Variants in SIPA1L3 observed in about 807,000 individuals in gnomAD.
SIPA1L3 encodes signal induced proliferation associated 1 like 3.
In SIPA1L3, 59 loss-of-function variants were observed where a neutral mutation model predicts 150.1. The ratio of observed to expected loss-of-function variants is 0.39; its 90% confidence interval spans 0.32 to 0.49. The LOEUF (loss-of-function observed/expected upper bound fraction) is 0.49, where lower values mean the gene tolerates loss of function less well. Among genes scored for constraint, SIPA1L3 ranks in the 20% least tolerant of loss-of-function variants. SIPA1L3 has a pLI of 0.86. For missense variants in SIPA1L3, 2,211 were observed against 2,489.5 expected (o/e 0.89, Z 2.38); for synonymous variants, 1,070 against 1,077.6 (o/e 0.99, Z 0.14).
At chr19:38,075,489 G>A (rs962997257) in intron 2 of SIPA1L3, among the ~76,000 whole-genome samples, 1 of 150,110 alleles carries the variant, frequency 6.7e-6, no homozygotes, top group African/African-American at 2.5e-5. Flanking sequence ...TATTTGAAAA[G>A]AACTTGCAGG....
At chr19:38,008,498 G>C (rs928147480) in intron 1 of SIPA1L3, among the ~76,000 whole-genome samples, 1 of 151,596 alleles carries the variant, frequency 6.6e-6, no homozygotes, top group Non-Finnish European at 1.5e-5. Context: ...CAAAGTGCTG[G>C]GATTGCAGAC....
In SIPA1L3 at chr19:38,124,686, C is replaced by T. The variant is rs557085803; in HGVS notation, c.2868+4804C>T. Among the ~76,000 whole-genome samples, 135 of 152,314 alleles carry T rather than the reference C, an allele frequency of 8.9e-4. No individual in the cohort carries two copies. The South Asian group carries it at 0.01, about 12-fold the overall frequency. On this transcript the variant is annotated intron_variant, in intron 9 of 21. Coordinates refer to ENST00000222345, the MANE Select transcript of SIPA1L3 (RefSeq NM_015073.3). ...TGGAGGTTGTAGCAAGCCGAGATCA[C>T]GCCACTGCACTCCAGCCTGGGCACC...
At chr19:38,193,950 C>A (rs1972864092) in intron 18 of SIPA1L3, among the ~76,000 whole-genome samples, 170 bp downstream of exon 18, 1 of 152,120 alleles carries the variant, frequency 6.6e-6, no homozygotes, top group South Asian at 2.1e-4. Flanking sequence ...TGGTGGGGCA[C>A]TGGGTGTCAC....
At chr19:38,126,406 G>T (rs928631427) in intron 9 of SIPA1L3, among the ~76,000 whole-genome samples, 10 of 152,048 alleles carry the variant, frequency 6.6e-5, no homozygotes, top group African/African-American at 2.4e-4. Flanking sequence ...CAGCCCAAGA[G>T]GGCTTTGAAT....
intron 2 of SIPA1L3, among the ~76,000 whole-genome samples, chr19:38,039,731 C>G (rs895407242): frequency 2.7e-5 from 1 of 37,200 alleles, no homozygotes; most frequent in East Asian, 1.2e-3. Flanking sequence ...GGAGGCCCAC[C>G]TGAAACATTC....
At chr19:38,042,297 C>G (rs947272449) in intron 2 of SIPA1L3, among the ~76,000 whole-genome samples, 2 of 152,084 alleles carry the variant, frequency 1.3e-5, no homozygotes, top group Admixed American at 6.6e-5. Context: ...GGATTTATTT[C>G]TGGGCTATTT....
At chr19:38,050,668 G>C (rs1190509260) in intron 2 of SIPA1L3, among the ~76,000 whole-genome samples, 1 of 152,200 alleles carries the variant, frequency 6.6e-6, no homozygotes, top group African/African-American at 2.4e-5. Flanking sequence ...TATAGTCAAA[G>C]TTGTCCGAAG....
chr19:38,037,449 G>T (rs367822231), intron 2 of SIPA1L3, among the ~76,000 whole-genome samples: 11 of 152,222 alleles, frequency 7.2e-5, no homozygotes, highest in Admixed American at 7.2e-4. Flanking sequence ...CTGTGTAACT[G>T]CAGGGTCAAG....
At chr19:38,036,423 G>T (rs1231016240) in intron 2 of SIPA1L3, among the ~76,000 whole-genome samples, 5 of 152,206 alleles carry the variant, frequency 3.3e-5, no homozygotes, top group Non-Finnish European at 7.4e-5. Context: ...CCTAAGGAGC[G>T]TGTGTCCCGA....
At chr19:37,960,386 G>A (rs376092381) in intron 1 of SIPA1L3, among the ~76,000 whole-genome samples, 3 of 150,842 alleles carry the variant, frequency 2.0e-5, no homozygotes, top group Non-Finnish European at 3.0e-5. Context: ...ATAGGTGCGC[G>A]CCACCACACT....
chr19:37,929,447 T>G (rs998020018), intron 1 of SIPA1L3, among the ~76,000 whole-genome samples: 3 of 152,242 alleles, frequency 2.0e-5, no homozygotes, highest in Non-Finnish European at 4.4e-5. Flanking sequence ...CTTTTTGTTC[T>G]CTAATCATGC....
At chr19:37,997,460 C>T (rs1451845601) in intron 1 of SIPA1L3, among the ~76,000 whole-genome samples, 10 of 148,702 alleles carry the variant, frequency 6.7e-5, no homozygotes, top group South Asian at 2.2e-4. Context: ...CTCAGCTACT[C>T]GGGAGGCTGA....
At chr19:38,078,332 G>T (rs1238858344) in intron 2 of SIPA1L3, among the ~76,000 whole-genome samples, 1 of 152,002 alleles carries the variant, frequency 6.6e-6, no homozygotes, top group Non-Finnish European at 1.5e-5. Flanking sequence ...GGCTCCCCTT[G>T]CTATTTGCTC....
chr19:38,095,391 C>A (rs1351484450), intron 4 of SIPA1L3, among the ~76,000 whole-genome samples: 1 of 152,086 alleles, frequency 6.6e-6, no homozygotes, highest in Non-Finnish European at 1.5e-5. Flanking sequence ...TCCTAAGTAA[C>A]CTCCTAGGAA....
chr19:38,089,297 GC>G (rs1970209424), intron 4 of SIPA1L3, among the ~76,000 whole-genome samples: 1 of 140,384 alleles, frequency 7.1e-6, no homozygotes, highest in Non-Finnish European at 1.5e-5. Context: ...CAGCCTGCCA[GC>G]CTGGGTGACA....
In SIPA1L3 at chr19:38,182,696, G is replaced by A. The variant is rs767815780; in HGVS notation, c.4386G>A (p.Thr1462=). The change falls in exon 16 of 22, where the codon ACG becomes ACA. Residue 1462 remains threonine, a synonymous_variant. Transcript: ENST00000222345. ...RNKHPTGWKR[T]EEPPPRPLPF... ...AGCACCCAACAGGGTGGAAGAGAAC[G>A]GAGGAGCCCCCACCACGGCCACTCC... 6.4e-5 allele frequency: 104 copies of A among 1,613,934 alleles called. No individual in the cohort carries two copies. The highest frequency in any genetic ancestry group is 8.6e-5 in the Non-Finnish European group (101 of 1,179,970).
At chr19:38,101,248 TCACAGTGAGCCAC>T (rs1205040488) in intron 6 of SIPA1L3, 22 bp downstream of exon 6, 3 of 1,487,720 alleles carry the variant, frequency 2.0e-6, no homozygotes, top group Non-Finnish European at 2.7e-6. Flanking sequence ...GCCGGTTAGA[TCACAGTGAGCCAC>T]CACTGCACTC....
chr19:37,908,117 CAGT>C (rs2046350227), intron 1 of SIPA1L3: 1 of 152,186 alleles, frequency 6.6e-6, no homozygotes, highest in Non-Finnish European at 1.5e-5. Flanking sequence ...ATATAACGCT[CAGT>C]AAATGGTACC....
intron 1 of SIPA1L3, among the ~76,000 whole-genome samples, chr19:37,975,762 T>G (rs967169347): frequency 6.6e-6 from 1 of 152,120 alleles, no homozygotes; most frequent in African/African-American, 2.4e-5. Flanking sequence ...GACTTGGTTG[T>G]GGGAGTCAGG....
Sources: gnomAD v4.1 joint callset for allele counts (sites outside exome capture counted in the v4.1 genomes callset) on GRCh38, gnomAD v4.1.1 for gene constraint, MANE v1.5 for transcripts, NCBI Gene and HGNC (gene_info 2026-07-23, HGNC 2026-07-21) for gene names.